PASK: variants seen among roughly 807,000 people sequenced by gnomAD.
PASK encodes PAS domain-containing serine/threonine-protein kinase.
Under a neutral mutation model 121.0 loss-of-function variants are expected in PASK, and 110 were observed. The ratio of observed to expected loss-of-function variants is 0.91; its 90% CI spans 0.78 to 1.06. PASK has a LOEUF of 1.06. Ranked by LOEUF, PASK falls within the 50% of genes least tolerant of loss-of-function variation. PASK has a pLI of 0.00. For missense variants in PASK, 1,643 were observed against 1,702.3 expected, an observed-to-expected ratio of 0.97 and a Z score of 0.61; for synonymous variants, 686 against 717.8, an observed-to-expected ratio of 0.96 and a Z score of 0.71.
At chr2:241,149,724 C>T, upstream of PASK, 1 of 1,549,036 alleles carries the variant, frequency 6.5e-7, no homozygotes, top group South Asian at 1.2e-5. Context: ...TAGCGCAGAG[C>T]TCGCCTCTTG....
rs561690436 is a variant in PASK, at chr2:241,115,442, T to C, written c.3073-29A>G. 3.1e-6 allele frequency: 5 copies of C among 1,612,898 alleles called. No individual in the cohort carries two copies. In the African/African-American group the frequency reaches 4.0e-5, roughly 13 times the overall value. ...TGAGGAAGACAGAGCGTAGTGGAAATAGCTGGAGCCAGTCCTCAAGCATCC... is the reference window on the plus strand; with the variant it reads ...TGAGGAAGACAGAGCGTAGTGGAAACAGCTGGAGCCAGTCCTCAAGCATCC... On this transcript the variant is annotated intron_variant, in intron 12 of 17. Coordinates refer to ENST00000234040, the MANE Select transcript of PASK (RefSeq NM_015148.4).
intron 9 of PASK, among the ~76,000 whole-genome samples, chr2:241,132,052 C>CAA (rs36063946): frequency 8.0e-4 from 67 of 83,650 alleles, no homozygotes; most frequent in Admixed American, 1.3e-3. Context: ...GACTCCATCT[C>CAA]AAAAAAAAAA....
chr2:241,138,818 C>A, intron 4 of PASK, 24 bp from the exon 5 acceptor site: 1 of 1,613,204 alleles, frequency 6.2e-7, no homozygotes, highest in Non-Finnish European at 8.5e-7. Context: ...CAGGTTCACA[C>A]CTGCATGCCA....
chr2:241,145,392 G>T (rs2066907406), intron 1 of PASK, among the ~76,000 whole-genome samples: 1 of 152,082 alleles, frequency 6.6e-6, no homozygotes, highest in Non-Finnish European at 1.5e-5. Context: ...TAGAAGCTAA[G>T]GCAGGATAAT....
chr2:241,115,151 C>A lies in PASK; in HGVS notation c.3225G>T (p.Gly1075=), dbSNP rs1348591777. 1 of 1,613,958 alleles carries A rather than the reference C, an allele frequency of 6.2e-7. No homozygotes were observed. The highest frequency in any genetic ancestry group is 1.3e-5 in the African/African-American group (1 of 74,910). The change falls in exon 14 of 18, where the codon GGG becomes GGT. Residue 1075 remains glycine (G), a synonymous_variant. Coordinates refer to ENST00000234040, the MANE Select transcript of PASK (RefSeq NM_015148.4). The stretch of plus-strand genomic sequence containing the variant: ...GCTTCTCCATCACAAGCTGGAAGAA[C>A]CCTTGGTTTTCAAATATATCCAATA... ...IKVLDIFENQ[G]FFQLVMEKHG...
At chr2:241,130,058 A>G (rs2066055298) in intron 9 of PASK, among the ~76,000 whole-genome samples, 1 of 152,202 alleles carries the variant, frequency 6.6e-6, no homozygotes, top group Non-Finnish European at 1.5e-5. Context: ...CGTAGTCCCT[A>G]AAACACAAAA....
intron 12 of PASK, among the ~76,000 whole-genome samples, chr2:241,117,261 C>T (rs546362467): frequency 3.3e-5 from 5 of 152,272 alleles, no homozygotes; most frequent in Admixed American, 6.5e-5. Flanking sequence ...GACCCTTTGA[C>T]GGGAGGGTCA....
chr2:241,123,046 C>T, intron 11 of PASK, 147 bp from the exon 12 acceptor site: 2 of 708,650 alleles, frequency 2.8e-6, no homozygotes, highest in South Asian at 3.8e-5. Context: ...TGCTCTCAGA[C>T]AGGTCTGAAA....
At chr2:241,133,360 G>C (rs1325077123) in intron 8 of PASK, 2 of 400,898 alleles carry the variant, frequency 5.0e-6, no homozygotes, top group Admixed American at 3.6e-5. Flanking sequence ...CAACTCTGTG[G>C]CCTCACTCCT....
At chr2:241,111,015 C>CAGGCTG (rs2065089918) in intron 15 of PASK, among the ~76,000 whole-genome samples, 1 of 152,228 alleles carries the variant, frequency 6.6e-6, no homozygotes, top group South Asian at 2.1e-4. Context: ...GAGGTTGGCG[C>CAGGCTG]AGGCTGAGGC....
At position 241,108,594 on chromosome 2, in the gene PASK, G is replaced by A; in HGVS notation, c.3534-294C>T. 4.2e-6 allele frequency: 2 copies of A among 476,948 alleles called. No homozygotes were observed. The highest frequency in any genetic ancestry group is 2.0e-5 in the South Asian group (1 of 49,792). The allele number at this position is 476,948 out of a possible 1,614,324, so 29.5% of individuals were successfully genotyped here. A position where few individuals can be genotyped will look rare whatever the true frequency, so the allele number is the denominator to read the frequency against. On this transcript the variant is annotated intron_variant, in intron 15 of 17. Transcript: ENST00000234040. This position sits in a 1 kb window ranked among gnomAD's most constrained non-coding sequence, Gnocchi z 5.2. ...CGTGTCTACCAGAGGGGGGAGCGGG[G>A]GGAGGGCTTCCTGGAGGAAGCAGAG...
intron 12 of PASK, among the ~76,000 whole-genome samples, chr2:241,116,778 G>A (rs1045309713): frequency 2.0e-5 from 3 of 152,200 alleles, no homozygotes. Context: ...CGTGGGTGTC[G>A]GCACGCAGCT....
chr2:241,120,051 G>A (rs6748093), intron 12 of PASK, among the ~76,000 whole-genome samples: 3,713 of 152,100 alleles, frequency 0.024, 154 homozygotes, highest in African/African-American at 0.085. Context: ...AAAATAAAAT[G>A]TGCTTCAAAT....
rs769655744 is a variant in PASK, at chr2:241,127,103, G to GCC, written c.1810_1811dup (p.Ser605AlafsTer4). 2 of 1,614,022 alleles carry GCC rather than the reference G, an allele frequency of 1.2e-6. No individual in the cohort carries two copies. The highest frequency in any genetic ancestry group is 1.7e-6 in the Non-Finnish European group (2 of 1,180,006). On this transcript the variant is annotated frameshift_variant, in exon 10 of 18. Coordinates refer to ENST00000234040, the MANE Select transcript of PASK (RefSeq NM_015148.4). LOFTEE classifies it high-confidence loss of function. Reference sequence around the variant, plus strand: ...AGCAAGGGCAGTGCATCAGGAGGCTGCCCCCCGCCAGCTGACCCTTGGCCT... The same window carrying GCC: ...AGCAAGGGCAGTGCATCAGGAGGCTGCCCCCCCCGCCAGCTGACCCTTGGCCT...
At chr2:241,149,770 C>T, upstream of PASK, 1 of 1,537,894 alleles carries the variant, frequency 6.5e-7, no homozygotes, top group South Asian at 1.2e-5. Flanking sequence ...CGCGGGGCGG[C>T]TCGTTCATGG....
In PASK at chr2:241,112,144, G is replaced by A. The variant is rs16843288; in HGVS notation, c.3533+96C>T. 0.089 allele frequency: 82,152 copies of A among 923,204 alleles called. 4,457 individuals are homozygous for A. The highest frequency in any genetic ancestry group is 0.23 in the East Asian group (9,448 of 41,164). 57.2% of individuals were successfully genotyped at this position (923,204 alleles called of 1,614,324 possible). ...GACCACTCAACACTCATCACAAAGA[G>A]GCACAAAGGAAGCCATTTTCCCACC... On this transcript the variant is annotated intron_variant, in intron 15 of 17. Coordinates refer to ENST00000234040, the MANE Select transcript of PASK (RefSeq NM_015148.4). The surrounding 1 kb of genome is among the most constrained non-coding windows in gnomAD (Gnocchi z 5.2).
In PASK at chr2:241,112,776, GC is replaced by G; in HGVS notation, c.3334-338del. On this transcript the variant is annotated intron_variant, in intron 14 of 17. Coordinates refer to ENST00000234040, the MANE Select transcript of PASK (RefSeq NM_015148.4). This position sits in a 1 kb window ranked among gnomAD's most constrained non-coding sequence, Gnocchi z 5.2. ...ATGCCTATTTCAGGAGGAAAGACAG[GC>G]CACAAAGCCACAGCTCAAAGACACT... 3.1e-6 allele frequency: 1 copy of G among 321,530 alleles called. No homozygotes were observed. Among genetic ancestry groups the G allele is most frequent in the African/African-American group, 2.2e-5 (1 of 45,848 alleles). The allele number at this position is 321,530 out of a possible 1,614,324, so 19.9% of individuals were successfully genotyped here.
At chr2:241,144,804 T>C (rs1382115432) in intron 1 of PASK, among the ~76,000 whole-genome samples, 1 of 152,226 alleles carries the variant, frequency 6.6e-6, no homozygotes, top group Non-Finnish European at 1.5e-5. Flanking sequence ...CCTCCTTGCC[T>C]TATCCTAGCA....
At chr2:241,126,124 G>T in intron 10 of PASK, 72 bp downstream of exon 10, 1 of 1,372,584 alleles carries the variant, frequency 7.3e-7, no homozygotes, top group Non-Finnish European at 1.0e-6. Flanking sequence ...CCCAGAACAA[G>T]GAAGGCCCTG....
Sources: gnomAD v4.1 joint callset for allele counts (sites outside exome capture counted in the v4.1 genomes callset) on GRCh38, gnomAD v4.1.1 for gene constraint, Gnocchi (gnomAD v3.1) non-coding constraint, MANE v1.5 for transcripts, NCBI Gene and HGNC (gene_info 2026-07-23, HGNC 2026-07-21) for gene names.